Variants in LARS2 observed in about 807,000 individuals in gnomAD.
LARS2 encodes the protein leucyl-tRNA synthetase 2, mitochondrial.
In LARS2, 81 loss-of-function variants were observed where a neutral mutation model predicts 116.6. The observed-to-expected ratio is 0.69, with a 90% CI of 0.58 to 0.84. LARS2 has a LOEUF of 0.84. LARS2 is among the 40% of genes least tolerant of loss of function. The pLI, the probability that LARS2 is intolerant of heterozygous loss-of-function variation, is 0.00. For missense variants in LARS2, 968 were observed against 1,114.5 expected (o/e 0.87, Z 1.87); for synonymous variants, 396 against 407.2 (o/e 0.97, Z 0.33).
At chr3:45,400,587 G>A (rs1005696515) in intron 4 of LARS2, among the ~76,000 whole-genome samples, 3 of 152,204 alleles carry the variant, frequency 2.0e-5, no homozygotes, top group African/African-American at 7.2e-5. Flanking sequence ...TGAGTTGGGT[G>A]TTGTGCTGGG....
At chr3:45,416,527 C>G (rs1248907978) in intron 4 of LARS2, among the ~76,000 whole-genome samples, 1 of 152,114 alleles carries the variant, frequency 6.6e-6, no homozygotes, top group Non-Finnish European at 1.5e-5. Flanking sequence ...CTGGGACTGC[C>G]TAGAGCCACC....
At position 45,446,981 on chromosome 3, in the gene LARS2, G is replaced by A. The variant is rs771254087; in HGVS notation, c.606+1G>A. 7 of 1,562,922 alleles carry A rather than the reference G, an allele frequency of 4.5e-6. No homozygotes were observed. Among genetic ancestry groups the A allele is most frequent in the Non-Finnish European group, 4.4e-6 (5 of 1,137,850 alleles). On this transcript the variant is annotated splice_donor_variant, in intron 7 of 21. Coordinates refer to ENST00000645846, the MANE Select transcript of LARS2 (RefSeq NM_015340.4). LOFTEE classifies it high-confidence loss of function. ...GGCTGGGCTGGCCTATCAAAAGGAG[G>A]TAAGTTAAAATTAGCTGGACTTTTA...
At chr3:45,543,162 A>G (rs1372863755) in intron 21 of LARS2, among the ~76,000 whole-genome samples, 1 of 152,220 alleles carries the variant, frequency 6.6e-6, no homozygotes, top group African/African-American at 2.4e-5. Flanking sequence ...AGGGAAGAGG[A>G]TGTGAGGGTG....
chr3:45,439,660 A>G (rs1245973009), intron 6 of LARS2, among the ~76,000 whole-genome samples: 1 of 149,212 alleles, frequency 6.7e-6, no homozygotes, highest in African/African-American at 2.5e-5. Flanking sequence ...GTGAAAACGG[A>G]GGATTGAATG....
chr3:45,518,030 G>T lies in LARS2; in HGVS notation c.2172G>T (p.Glu724Asp), dbSNP rs578197079. ...TGCTGAGTAACAAGGAGAAAGCTGA[G>T]GCCAGGAAGCTCTGGGAGTACAAGA... is the stretch of plus-strand genomic sequence containing the variant. Reference protein sequence around the residue: ...PQLLSNKEKAEARKLWEYKNS... With the variant: ...PQLLSNKEKADARKLWEYKNS... Residue 724 changes from glutamate (E) to aspartate (D), a missense_variant, in exon 18 of 22, where the codon GAG (glutamate) becomes GAT (aspartate). Glu to Asp is a conservative substitution (Grantham distance 45). Coordinates refer to ENST00000645846, the MANE Select transcript of LARS2 (RefSeq NM_015340.4). The T allele has an allele frequency of 6.3e-5, 102 of 1,613,760 alleles. 1 individual carries two copies. In the South Asian group the frequency reaches 1.0e-3, roughly 16 times the overall value.
intron 7 of LARS2, among the ~76,000 whole-genome samples, chr3:45,450,555 G>GT (rs1379105839): frequency 6.6e-6 from 1 of 151,990 alleles, no homozygotes; most frequent in South Asian, 2.1e-4. Flanking sequence ...TCATTTTATT[G>GT]TTTTTTATGG....
chr3:45,477,525 T>C (rs1034967873), intron 10 of LARS2, among the ~76,000 whole-genome samples: 27 of 152,340 alleles, frequency 1.8e-4, no homozygotes, highest in African/African-American at 6.3e-4. Flanking sequence ...GGCACCTTCC[T>C]TGGTAGACCA....
chr3:45,434,479 TGATTCA>T (rs1284489153), intron 6 of LARS2, among the ~76,000 whole-genome samples: 1 of 152,246 alleles, frequency 6.6e-6, no homozygotes, highest in Non-Finnish European at 1.5e-5. Flanking sequence ...TTTTCTCATT[TGATTCA>T]GGTGTGTTCA....
chr3:45,424,645 C>A (rs1189992992), intron 6 of LARS2, among the ~76,000 whole-genome samples: 1 of 152,160 alleles, frequency 6.6e-6, no homozygotes, highest in Non-Finnish European at 1.5e-5. Flanking sequence ...TATAGTAATC[C>A]TTCCATCTGT....
chr3:45,503,667 AT>A (rs1279012343), intron 15 of LARS2, among the ~76,000 whole-genome samples: 4 of 146,118 alleles, frequency 2.7e-5, no homozygotes, highest in East Asian at 2.0e-4. Flanking sequence ...TAATTGCTGG[AT>A]TTTTTTTTTC....
chr3:45,425,466 C>T (rs17638423), intron 6 of LARS2, among the ~76,000 whole-genome samples: 27,892 of 152,130 alleles, frequency 0.18, 2,844 homozygotes, highest in Middle Eastern at 0.27. Flanking sequence ...TGCAGAGCTG[C>T]GGAAGAGTTT....
intron 6 of LARS2, among the ~76,000 whole-genome samples, chr3:45,428,370 A>G (rs888459057): frequency 2.7e-5 from 4 of 148,740 alleles, no homozygotes; most frequent in Non-Finnish European, 5.9e-5. Flanking sequence ...CAGCCGCCCG[A>G]GTAGCTGGGA....
intron 15 of LARS2, among the ~76,000 whole-genome samples, chr3:45,502,638 T>C (rs1460663257): frequency 6.6e-6 from 1 of 152,130 alleles, no homozygotes; most frequent in Admixed American, 6.6e-5. Flanking sequence ...CTCAAACTTC[T>C]GACCTCAAGT....
intron 19 of LARS2, among the ~76,000 whole-genome samples, chr3:45,520,575 G>A (rs1700436897): frequency 6.6e-6 from 1 of 152,150 alleles, no homozygotes; most frequent in Non-Finnish European, 1.5e-5. Flanking sequence ...GTTGATTAGT[G>A]ACAAATCTAG....
chr3:45,500,503 G>T lies in LARS2; in HGVS notation c.1684G>T (p.Glu562Ter). 1 of 1,600,484 alleles carries T rather than the reference G, an allele frequency of 6.2e-7. No individual in the cohort carries two copies. Residue 562 changes from glutamate (E) to a stop codon, truncating the protein, a stop_gained, in exon 15 of 22, where the codon GAA (glutamate) becomes TAA (stop). Transcript: ENST00000645846. LOFTEE classifies it high-confidence loss of function. ...MPVDLYIGGK[E>*]HAVMHLFYAR... ...TGTGGATTTGTACATTGGAGGGAAA[G>T]AACATGCCGTCATGCACTTGTTCTA...
At chr3:45,513,600 G>A (rs1227596447) in intron 16 of LARS2, among the ~76,000 whole-genome samples, 2 of 152,172 alleles carry the variant, frequency 1.3e-5, no homozygotes, top group Non-Finnish European at 2.9e-5. Context: ...CCAGAACTGG[G>A]GTACTCCCAG....
rs555872657 is a variant in LARS2, at chr3:45,526,289, C to G, written c.2404+2181C>G. Among the ~76,000 whole-genome samples, 3 of 152,238 alleles carry G rather than the reference C, an allele frequency of 2.0e-5. No individual in the cohort carries two copies. The South Asian group carries it at 6.2e-4, about 32-fold the overall frequency. ...AACCTCTCAAATGAACAATTTTGTTCCTATCAAAAGTTCCCCAAAGGGATC... is the reference window on the plus strand; with the variant it reads ...AACCTCTCAAATGAACAATTTTGTTGCTATCAAAAGTTCCCCAAAGGGATC... On this transcript the variant is annotated intron_variant, in intron 20 of 21. Coordinates refer to ENST00000645846, the MANE Select transcript of LARS2 (RefSeq NM_015340.4).
At chr3:45,541,066 C>T (rs1180029577) in intron 20 of LARS2, among the ~76,000 whole-genome samples, 1 of 152,064 alleles carries the variant, frequency 6.6e-6, no homozygotes, top group Non-Finnish European at 1.5e-5. Flanking sequence ...ACAGCAGAGG[C>T]TTTTAAGTCA....
chr3:45,513,517 A>T (rs1164744513), intron 16 of LARS2, among the ~76,000 whole-genome samples: 1 of 152,234 alleles, frequency 6.6e-6, no homozygotes, highest in Non-Finnish European at 1.5e-5. Flanking sequence ...CAACTCAGGC[A>T]TGACCTCCTA....
Sources: gnomAD v4.1 joint callset for allele counts (sites outside exome capture counted in the v4.1 genomes callset) on GRCh38, gnomAD v4.1.1 for gene constraint, MANE v1.5 for transcripts, NCBI Gene and HGNC (gene_info 2026-07-23, HGNC 2026-07-21) for gene names.